The following PLB1 variants were observed in gnomAD, a reference collection of about 807,000 sequenced individuals.
PLB1 encodes phospholipase B1, also known as phospholipase B1, membrane-associated.
A neutral mutation model predicts 227.4 loss-of-function variants in PLB1; 242 were observed. The observed-to-expected ratio is 1.06, with a 90% CI of 0.96 to 1.18. The LOEUF (loss-of-function observed/expected upper bound fraction) is 1.18, where lower values mean the gene tolerates loss of function less well. Among genes scored for constraint, PLB1 ranks in the 50% most tolerant of loss-of-function variants. PLB1 has a pLI of 0.00. For missense variants in PLB1, 1,858 were observed against 1,816.3 expected (o/e 1.02, Z -0.42); for synonymous variants, 757 against 682.2 (o/e 1.11, Z -1.71).
Position 28,573,733 on chromosome 2 carries a change from G to T in PLB1, c.1433+428G>T, listed in dbSNP as rs78654421. 2.0e-5 allele frequency among the ~76,000 whole-genome samples: 3 copies of T among 152,290 alleles called. No individual in the cohort carries two copies. The East Asian group carries it at 5.8e-4, about 29-fold the overall frequency. ...CTGGGAAGAGTACCAGCCCTGGGAGGGGAGGCCCTGAGTACGAGCCCGGTT... is the reference window on the plus strand; with the variant it reads ...CTGGGAAGAGTACCAGCCCTGGGAGTGGAGGCCCTGAGTACGAGCCCGGTT... On this transcript the variant is annotated intron_variant, in intron 21 of 57. Transcript: ENST00000327757.
intron 23 of PLB1, 31 bp downstream of exon 23, chr2:28,579,738 AC>A (rs755367922): frequency 5.3e-5 from 83 of 1,563,478 alleles, no homozygotes; most frequent in Non-Finnish European, 6.7e-5. Context: ...CTCAAGACTC[AC>A]CCCCAGAGAA....
intron 37 of PLB1, 113 bp downstream of exon 37, chr2:28,601,445 C>T (rs143297073): frequency 1.3e-6 from 1 of 766,972 alleles, no homozygotes; most frequent in African/African-American, 1.8e-5. Context: ...TCCACCTACA[C>T]CTATGTCTGC....
intron 38 of PLB1, 32 bp downstream of exon 38, chr2:28,601,996 G>A: frequency 1.3e-6 from 2 of 1,560,672 alleles, no homozygotes; most frequent in Non-Finnish European, 1.8e-6. Context: ...GCTGGTAACA[G>A]CTCAAGCATG....
intron 54 of PLB1, 30 bp downstream of exon 54, chr2:28,630,694 C>G (rs746813792): frequency 1.3e-6 from 2 of 1,584,824 alleles, no homozygotes; most frequent in African/African-American, 1.3e-5. Context: ...TCTTACTGAC[C>G]CAGCTGGGGG....
chr2:28,630,535 C>A, intron 53 of PLB1, 51 bp from the exon 54 acceptor site: 1 of 1,529,102 alleles, frequency 6.5e-7, no homozygotes, highest in Non-Finnish European at 9.0e-7. Flanking sequence ...CCCAGGAGGA[C>A]AGAGCCACAG....
intron 1 of PLB1, among the ~76,000 whole-genome samples, chr2:28,496,525 TAAAATG>T (rs1380347421): frequency 6.6e-6 from 1 of 152,174 alleles, no homozygotes; most frequent in Non-Finnish European, 1.5e-5. Context: ...TTTTCATCCT[TAAAATG>T]GAAATACTAC....
chr2:28,506,000 T>C (rs1667600552), intron 1 of PLB1, among the ~76,000 whole-genome samples: 1 of 152,232 alleles, frequency 6.6e-6, no homozygotes, highest in Non-Finnish European at 1.5e-5. Context: ...CTCTAGAGGC[T>C]CAGAAGTTCT....
chr2:28,636,637 C>T (rs1408594145), intron 56 of PLB1, among the ~76,000 whole-genome samples: 1 of 152,126 alleles, frequency 6.6e-6, no homozygotes, highest in East Asian at 1.9e-4. Flanking sequence ...CTAAGGAATA[C>T]CATACAGGTC....
At position 28,605,709 on chromosome 2, in the gene PLB1, G is replaced by C. The variant is rs578193109; in HGVS notation, c.2962-144G>C. On this transcript the variant is annotated intron_variant, in intron 41 of 57. Coordinates refer to ENST00000327757, the MANE Select transcript of PLB1 (RefSeq NM_153021.5). ...GGGATCGCTCTGATCTCTCTGTTAA[G>C]GTGAATGGGCCCTGTGGTGGCTGGT... 1,173 of 666,332 alleles carry C rather than the reference G, an allele frequency of 1.8e-3. 6 individuals carry two copies. The highest frequency in any genetic ancestry group is 1.8e-3 in the Non-Finnish European group (656 of 367,220). The allele number at this position is 666,332 out of a possible 1,614,324, so 41.3% of individuals were successfully genotyped here.
At chr2:28,550,168 T>TG in intron 16 of PLB1, 84 bp downstream of exon 16, 1 of 1,006,276 alleles carries the variant, frequency 9.9e-7, no homozygotes. Context: ...ACCTTCCACG[T>TG]GGTTTTTTTT....
chr2:28,541,654 G>A (rs1437925467), intron 12 of PLB1, 53 bp from the exon 13 acceptor site: 64 of 1,416,090 alleles, frequency 4.5e-5, no homozygotes, highest in Middle Eastern at 1.7e-4. Context: ...GTCTGGGGCC[G>A]GCTCTGCCTC....
chr2:28,507,614 C>T (rs1000564901), intron 1 of PLB1, among the ~76,000 whole-genome samples: 2 of 152,264 alleles, frequency 1.3e-5, no homozygotes, highest in East Asian at 3.9e-4. Context: ...CACAGCAATC[C>T]CATGAGGAAG....
chr2:28,541,431 G>A (rs73922153), intron 12 of PLB1, among the ~76,000 whole-genome samples: 3 of 152,184 alleles, frequency 2.0e-5, no homozygotes, highest in Non-Finnish European at 2.9e-5. Flanking sequence ...CCTGCCACAC[G>A]CTGGGCTGTC....
intron 11 of PLB1, among the ~76,000 whole-genome samples, chr2:28,540,099 C>T (rs2148206499): frequency 6.7e-6 from 1 of 148,672 alleles, no homozygotes; most frequent in Admixed American, 6.7e-5. Flanking sequence ...TCCCTCCATC[C>T]CATATCGACC....
intron 57 of PLB1, among the ~76,000 whole-genome samples, chr2:28,641,300 C>T (rs1443819236): frequency 6.6e-5 from 10 of 152,196 alleles, no homozygotes; most frequent in Admixed American, 6.5e-4. Context: ...AGCTCTGATG[C>T]ATCCTCAGTC....
intron 20 of PLB1, among the ~76,000 whole-genome samples, chr2:28,570,036 AT>A (rs1264347099): frequency 6.6e-6 from 1 of 152,040 alleles, no homozygotes; most frequent in Non-Finnish European, 1.5e-5. Context: ...TGAATTAATA[AT>A]TTTAAAACTT....
intron 54 of PLB1, 54 bp downstream of exon 54, chr2:28,630,718 C>T: frequency 1.4e-6 from 2 of 1,446,896 alleles, no homozygotes; most frequent in African/African-American, 1.4e-5. Context: ...CCCTGTACTC[C>T]AAGGACTGGG....
At chr2:28,606,352 TG>T in intron 42 of PLB1, 143 bp from the exon 43 acceptor site, 1 of 763,822 alleles carries the variant, frequency 1.3e-6, no homozygotes, top group Non-Finnish European at 2.1e-6. Context: ...ACCCCACGGC[TG>T]GCAACTGGCA....
intron 26 of PLB1, among the ~76,000 whole-genome samples, chr2:28,586,732 A>G (rs1365353315): frequency 2.0e-5 from 3 of 151,828 alleles, no homozygotes; most frequent in Admixed American, 1.3e-4. Flanking sequence ...CCTTTATTTT[A>G]TGTATTTATT....
Sources: gnomAD v4.1 joint callset for allele counts (sites outside exome capture counted in the v4.1 genomes callset) on GRCh38, gnomAD v4.1.1 for gene constraint, MANE v1.5 for transcripts, NCBI Gene and HGNC (gene_info 2026-07-23, HGNC 2026-07-21) for gene names.